SC5D: variants seen among roughly 807,000 people sequenced by gnomAD.
The protein encoded by SC5D is lathosterol oxidase.
SC5D carries 21 observed loss-of-function variants against 23.9 expected under a neutral mutation model. That is an observed-to-expected ratio of 0.88 (90% CI 0.62 to 1.26). SC5D has a LOEUF of 1.26. Ranked by LOEUF, SC5D falls within the 50% of genes most tolerant of loss-of-function variation. The pLI, the probability that SC5D is intolerant of heterozygous loss-of-function variation, is 0.00. For synonymous variants in SC5D, 113 were observed against 125.9 expected, an observed-to-expected ratio of 0.90 and a Z score of 0.68; for missense variants, 309 against 364.8, an observed-to-expected ratio of 0.85 and a Z score of 1.25.
chr11:121,298,978 G>A (rs1421522423), intron 1 of SC5D, among the ~76,000 whole-genome samples: 3 of 152,300 alleles, frequency 2.0e-5, no homozygotes, highest in Admixed American at 1.3e-4. Flanking sequence ...AGTTAAGGCA[G>A]GAACCGGCCA....
In SC5D at chr11:121,307,567, C is replaced by CT. The variant is rs1277274719; in HGVS notation, c.*63dup. The CT allele has an allele frequency of 5.6e-5, 69 of 1,233,882 alleles. No homozygotes were observed. The highest frequency in any genetic ancestry group is 7.1e-5 in the Admixed American group (3 of 42,260). 76.4% of individuals were successfully genotyped at this position (1,233,882 alleles called of 1,614,324 possible). On this transcript the variant is annotated 3_prime_UTR_variant, in exon 5 of 5. Transcript: ENST00000264027. ...CAAAGAAGGAAATATCATCGTATTT[C>CT]TTTTTTTTAATAAGGAAAAAATAAT...
intron 3 of SC5D, chr11:121,305,514 G>A (rs1947957587): frequency 6.6e-6 from 1 of 152,012 alleles, no homozygotes; most frequent in South Asian, 2.1e-4. Flanking sequence ...GGATCACGAG[G>A]TCAGGAGTAT....
At position 121,311,407 on chromosome 11, in the gene SC5D, A is replaced by G. The variant is rs1281103966; in HGVS notation, c.*3895A>G. ...ATGAGAAATCAAAGATGGTCCCTAC[A>G]TCAAGGATAAACTATCTTTTTTTAG... is the stretch of plus-strand genomic sequence containing the variant. On this transcript the variant is annotated 3_prime_UTR_variant, in exon 5 of 5. Transcript: ENST00000264027. Among the ~76,000 whole-genome samples the G allele has an allele frequency of 2.0e-5, 3 of 152,210 alleles. No individual in the cohort carries two copies. The highest frequency in any genetic ancestry group is 4.4e-5 in the Non-Finnish European group (3 of 68,044).
In SC5D at chr11:121,308,484, C is replaced by G. The variant is rs2134272084; in HGVS notation, c.*972C>G. ...AAAATCTTATTCCTCCTCTTCTCCC[C>G]TCACTTTTCCCTACTTCCTCTGCAA... On this transcript the variant is annotated 3_prime_UTR_variant, in exon 5 of 5. Coordinates refer to ENST00000264027, the MANE Select transcript of SC5D (RefSeq NM_006918.5). The G allele has an allele frequency of 6.6e-6, 1 of 152,458 alleles. No homozygotes were observed. The highest frequency in any genetic ancestry group is 1.9e-4 in the East Asian group (1 of 5,184). The allele number at this position is 152,458 out of a possible 1,614,324, so 9.4% of individuals were successfully genotyped here.
rs1947999434 is a variant in SC5D, at chr11:121,310,270, CTAACCAACT to C, written c.*2760_*2768del. The stretch of plus-strand genomic sequence containing the variant: ...GCATGAAAAAAGATATTCAAAGACA[CTAACCAACT>C]TGAGGGGTGCAGTGGTCTGAATGTG... On this transcript the variant is annotated 3_prime_UTR_variant, in exon 5 of 5. Coordinates refer to ENST00000264027, the MANE Select transcript of SC5D (RefSeq NM_006918.5). Among the ~76,000 whole-genome samples, 1 of 152,144 alleles carries C rather than the reference CTAACCAACT, an allele frequency of 6.6e-6. No individual in the cohort carries two copies. The highest frequency in any genetic ancestry group is 2.4e-5 in the African/African-American group (1 of 41,436).
In SC5D at chr11:121,306,420, CCT is replaced by C; in HGVS notation, c.381_382del (p.Phe129HisfsTer2). Reference sequence around the variant, plus strand: ...AACTTGTCGTTAGTATAATATCTTTCCTCTTTTTCACTGACATGTTCATCTAC... The same window carrying C: ...AACTTGTCGTTAGTATAATATCTTTCCTTTTTCACTGACATGTTCATCTAC... Reference protein sequence around the residue: ...FELVVSIISFLFFTDMFIYWI... With the variant: ...FELVVSIISFXFFTDMFIYWI... On this transcript the variant is annotated frameshift_variant, in exon 4 of 5. Coordinates refer to ENST00000264027, the MANE Select transcript of SC5D (RefSeq NM_006918.5). LOFTEE classifies it high-confidence loss of function. 6.3e-7 allele frequency: 1 copy of C among 1,585,558 alleles called. No individual in the cohort carries two copies. Among genetic ancestry groups the C allele is most frequent in the Non-Finnish European group, 8.7e-7 (1 of 1,154,116 alleles).
In SC5D at chr11:121,310,013, T is replaced by G. The variant is rs910640959; in HGVS notation, c.*2501T>G. On this transcript the variant is annotated 3_prime_UTR_variant, in exon 5 of 5. Transcript: ENST00000264027. Reference sequence around the variant, plus strand: ...GCTGTCTCTGCAGTACTGAGTGAATTTCCTTATACCCTTGTATCATGTTTT... The same window carrying G: ...GCTGTCTCTGCAGTACTGAGTGAATGTCCTTATACCCTTGTATCATGTTTT... 1.3e-5 allele frequency among the ~76,000 whole-genome samples: 2 copies of G among 152,200 alleles called. No homozygotes were observed. Among genetic ancestry groups the G allele is most frequent in the African/African-American group, 2.4e-5 (1 of 41,448 alleles).
In SC5D at chr11:121,309,873, C is replaced by T. The variant is rs1276027164; in HGVS notation, c.*2361C>T. On this transcript the variant is annotated 3_prime_UTR_variant, in exon 5 of 5. Transcript: ENST00000264027. The stretch of plus-strand genomic sequence containing the variant: ...ACAGATGACTTTTATAGTTACAGGA[C>T]AGAAAGTGAAAATCAAGGTTACGTT... 1.3e-5 allele frequency among the ~76,000 whole-genome samples: 2 copies of T among 152,264 alleles called. No individual in the cohort carries two copies. The highest frequency in any genetic ancestry group is 1.3e-4 in the Admixed American group (2 of 15,298).
At chr11:121,301,728 C>T (rs1166983672) in intron 1 of SC5D, among the ~76,000 whole-genome samples, 2 of 152,084 alleles carry the variant, frequency 1.3e-5, no homozygotes. Context: ...CAATCATATA[C>T]TTTAGTGAAT....
chr11:121,301,305 T>C (rs932512274), intron 1 of SC5D, among the ~76,000 whole-genome samples: 68 of 30,310 alleles, frequency 2.2e-3, no homozygotes, highest in African/African-American at 8.9e-3. Flanking sequence ...TGATAAAAGT[T>C]TTTTTTTTTT....
rs1406115538 is a variant in SC5D at position 121,307,544 on chromosome 11, A to C, written c.*32A>C. The C allele has an allele frequency of 7.1e-7, 1 of 1,415,738 alleles. No homozygotes were observed. The highest frequency in any genetic ancestry group is 2.3e-5 in the East Asian group (1 of 43,638). The allele number at this position is 1,415,738 out of a possible 1,614,324, so 87.7% of individuals were successfully genotyped here. ...GCCCAGTTATTCTTAAGTAAGGACAAAGAAGGAAATATCATCGTATTTCTT... is the reference window on the plus strand; with the variant it reads ...GCCCAGTTATTCTTAAGTAAGGACACAGAAGGAAATATCATCGTATTTCTT... On this transcript the variant is annotated 3_prime_UTR_variant, in exon 5 of 5. Transcript: ENST00000264027.
intron 1 of SC5D, among the ~76,000 whole-genome samples, chr11:121,299,397 T>TTA (rs1384922533): frequency 1.3e-5 from 2 of 152,224 alleles, no homozygotes; most frequent in African/African-American, 4.8e-5. Flanking sequence ...AACTTTGATT[T>TTA]TATATATATT....
intron 1 of SC5D, chr11:121,293,128 C>T (rs564066093): frequency 6.6e-6 from 1 of 152,544 alleles, no homozygotes; most frequent in South Asian, 2.1e-4. Context: ...CGGGGGACCT[C>T]GGGGCCTGGA....
At chr11:121,306,656 C>G (rs750119625) in intron 4 of SC5D, 170 bp downstream of exon 4, 13 of 690,102 alleles carry the variant, frequency 1.9e-5, no homozygotes, top group South Asian at 1.8e-4. Context: ...CTTTATGGGT[C>G]TAAGGGGCTG....
In SC5D at chr11:121,307,275, A is replaced by T. The variant is rs376514394; in HGVS notation, c.663A>T (p.Pro221=). The change falls in exon 5 of 5, where the codon CCA becomes CCT. Residue 221 remains proline (P), a synonymous_variant. Coordinates refer to ENST00000264027, the MANE Select transcript of SC5D (RefSeq NM_006918.5). ...GDFRVPQILQ[P]FINGSAHHTD... ...TTCGTGTCCCCCAAATCTTACAGCCATTTATTAATGGCTCAGCTCATCATA... is the reference window on the plus strand; with the variant it reads ...TTCGTGTCCCCCAAATCTTACAGCCTTTTATTAATGGCTCAGCTCATCATA... The T allele has an allele frequency of 1.1e-5, 18 of 1,614,038 alleles. No individual in the cohort carries two copies. In the East Asian group the frequency reaches 1.3e-4, roughly 12 times the overall value.
chr11:121,311,483 T>C lies in SC5D; in HGVS notation c.*3971T>C. On this transcript the variant is annotated 3_prime_UTR_variant, in exon 5 of 5. Transcript: ENST00000264027. ...AACAAAACCCACCAGTACCCCAGATTTTGACCACAGATGAATCAGTACTAC... is the reference window on the plus strand; with the variant it reads ...AACAAAACCCACCAGTACCCCAGATCTTGACCACAGATGAATCAGTACTAC... Among the ~76,000 whole-genome samples the C allele has an allele frequency of 6.6e-6, 1 of 152,150 alleles. No individual in the cohort carries two copies. Among genetic ancestry groups the C allele is most frequent in the Non-Finnish European group, 1.5e-5 (1 of 68,002 alleles).
intron 4 of SC5D, 68 bp downstream of exon 4, chr11:121,306,554 G>T: frequency 1.2e-6 from 1 of 833,054 alleles, no homozygotes; most frequent in Middle Eastern, 2.2e-4. Context: ...TATAAATTCT[G>T]TTCTCTATTT....
In SC5D at chr11:121,309,358, C is replaced by G. The variant is rs1947992015; in HGVS notation, c.*1846C>G. ...TCTCTTCCGCCCATGTTCCTTTGGACAGAACTCCGTCACATGGCCCACCTA... is the reference window on the plus strand; with the variant it reads ...TCTCTTCCGCCCATGTTCCTTTGGAGAGAACTCCGTCACATGGCCCACCTA... On this transcript the variant is annotated 3_prime_UTR_variant, in exon 5 of 5. Coordinates refer to ENST00000264027, the MANE Select transcript of SC5D (RefSeq NM_006918.5). Among the ~76,000 whole-genome samples the G allele has an allele frequency of 6.6e-6, 1 of 152,178 alleles. No individual in the cohort carries two copies. The highest frequency in any genetic ancestry group is 6.5e-5 in the Admixed American group (1 of 15,286).
chr11:121,304,566 GC>G, intron 3 of SC5D, 73 bp downstream of exon 3: 2 of 1,326,856 alleles, frequency 1.5e-6, no homozygotes, highest in Non-Finnish European at 1.1e-6. Flanking sequence ...AAACAAGTCT[GC>G]CCTTTTTTTT....
Sources: gnomAD v4.1 joint callset for allele counts (sites outside exome capture counted in the v4.1 genomes callset) on GRCh38, gnomAD v4.1.1 for gene constraint, MANE v1.5 for transcripts, NCBI Gene and HGNC (gene_info 2026-07-23, HGNC 2026-07-21) for gene names.